DMD: variants seen among roughly 807,000 people sequenced by gnomAD.
The protein encoded by DMD is dystrophin.
Under a neutral mutation model 330.1 loss-of-function variants are expected in DMD, and 63 were observed. That is an observed-to-expected ratio of 0.19 (90% CI 0.16 to 0.24). DMD has a LOEUF of 0.24. DMD is among the 10% of genes least tolerant of loss of function. The pLI is 1.00. For synonymous variants in DMD, 1,223 were observed against 959.8 expected, an observed-to-expected ratio of 1.27 and a Z score of -5.07; for missense variants, 3,344 against 2,684.1, an observed-to-expected ratio of 1.25 and a Z score of -5.43.
rs965423928 is a variant in DMD, at chrX:32,335,383, A to C, written c.5922+6717T>G. ...GCCTGGCTAATTTTATATATAAAAC[A>C]TATATAATACATATATATAACATAT... On this transcript the variant is annotated intron_variant, in intron 41 of 78. Coordinates refer to ENST00000357033, the MANE Select transcript of DMD (RefSeq NM_004006.3). 5.7e-5 allele frequency among the ~76,000 whole-genome samples: 6 copies of C among 105,356 alleles called. No homozygotes were observed. In the East Asian group the frequency reaches 1.8e-3, roughly 31 times the overall value. The allele number at this position is 105,356 out of a possible 115,157, so 91.5% of individuals were successfully genotyped here. A position where few individuals can be genotyped will look rare whatever the true frequency, so the allele number is the denominator to read the frequency against.
intron 2 of DMD, among the ~76,000 whole-genome samples, chrX:32,894,914 C>T (rs2085565138): frequency 2.7e-5 from 3 of 112,143 alleles, no homozygotes; most frequent in African/African-American, 9.7e-5. Flanking sequence ...AACAAGATAC[C>T]ATAGACTGGG....
intron 62 of DMD, among the ~76,000 whole-genome samples, chrX:31,291,241 G>GT (rs370709116): frequency 1.5e-3 from 154 of 103,147 alleles, no homozygotes; most frequent in Admixed American, 1.8e-3. Context: ...AGCCCACACA[G>GT]TTTTTTTTTT....
At chrX:33,004,457 A>G (rs2093352413) in intron 2 of DMD, among the ~76,000 whole-genome samples, 1 of 111,578 alleles carries the variant, frequency 9.0e-6, no homozygotes, top group African/African-American at 3.2e-5. Context: ...TTCCCAGCTG[A>G]TAGAAATATA....
chrX:32,910,438 T>C (rs1333341649), intron 2 of DMD, among the ~76,000 whole-genome samples: 2 of 111,349 alleles, frequency 1.8e-5, no homozygotes, highest in Non-Finnish European at 3.8e-5. Flanking sequence ...CTTTTTCTTT[T>C]ATTTTTTTTA....
At chrX:31,167,421 T>C (rs983368279) in intron 74 of DMD, among the ~76,000 whole-genome samples, 12 of 111,978 alleles carry the variant, frequency 1.1e-4, no homozygotes, top group African/African-American at 3.2e-4. Flanking sequence ...CCGGGTGCAA[T>C]GGTACGGAGA....
intron 11 of DMD, 54 bp downstream of exon 11, chrX:32,644,078 C>G: frequency 9.6e-7 from 1 of 1,043,507 alleles, no homozygotes; most frequent in East Asian, 3.0e-5. Flanking sequence ...TCAAAATAAT[C>G]ACAAGCTTCC....
intron 2 of DMD, among the ~76,000 whole-genome samples, chrX:33,007,349 C>T (rs1232265613): frequency 9.0e-6 from 1 of 110,994 alleles, no homozygotes; most frequent in Non-Finnish European, 1.9e-5. Context: ...CATATTCTTC[C>T]CTCTGCCTAG....
At chrX:33,029,043 G>A (rs192819610) in intron 1 of DMD, among the ~76,000 whole-genome samples, 6 of 111,467 alleles carry the variant, frequency 5.4e-5, no homozygotes, top group Non-Finnish European at 1.1e-4. Flanking sequence ...CTTAGTAAGG[G>A]TTTGTTGAAT....
At chrX:31,750,450 G>C (rs6628637) in intron 51 of DMD, among the ~76,000 whole-genome samples, 1 of 110,028 alleles carries the variant, frequency 9.1e-6, no homozygotes, top group Non-Finnish European at 1.9e-5. Flanking sequence ...AGATCAGATA[G>C]TGGTAGATAT....
chrX:31,383,769 C>CA (rs2060302222), intron 60 of DMD, among the ~76,000 whole-genome samples: 1 of 112,048 alleles, frequency 8.9e-6, no homozygotes, highest in African/African-American at 3.2e-5. Flanking sequence ...GACAGCCTGG[C>CA]AGCATAGCTT....
intron 60 of DMD, among the ~76,000 whole-genome samples, chrX:31,406,827 G>T (rs2061419001): frequency 9.0e-6 from 1 of 111,466 alleles, no homozygotes; most frequent in South Asian, 3.8e-4. Context: ...TTGGCATGTA[G>T]TTTGTAAAAG....
intron 42 of DMD, among the ~76,000 whole-genome samples, chrX:32,298,198 T>C (rs975380934): frequency 2.0e-4 from 22 of 110,083 alleles, no homozygotes; most frequent in Admixed American, 1.9e-3. Context: ...GAGAAGGCAA[T>C]GAGGGGGAAA....
At chrX:33,216,734 CT>C (rs962738915) in intron 1 of DMD, among the ~76,000 whole-genome samples, 4 of 111,150 alleles carry the variant, frequency 3.6e-5, no homozygotes, top group African/African-American at 1.3e-4. Context: ...TTTTAAATTA[CT>C]TTTTTTTGTC....
At chrX:32,514,512 C>T (rs993396643) in intron 18 of DMD, among the ~76,000 whole-genome samples, 4 of 111,678 alleles carry the variant, frequency 3.6e-5, no homozygotes, top group East Asian at 2.8e-4. Flanking sequence ...GAGGCCGAGG[C>T]GGGCGGATCA....
At chrX:32,188,457 CG>C (rs766371285) in intron 44 of DMD, among the ~76,000 whole-genome samples, 8 of 101,228 alleles carry the variant, frequency 7.9e-5, no homozygotes, top group East Asian at 3.1e-4. Flanking sequence ...TCTAGTAGGG[CG>C]TTTTTTTGGT....
At chrX:32,333,428 C>T (rs1215783635) in intron 41 of DMD, among the ~76,000 whole-genome samples, 1 of 111,373 alleles carries the variant, frequency 9.0e-6, no homozygotes, top group Non-Finnish European at 1.9e-5. Flanking sequence ...CTACCGTCTT[C>T]TGGCTTCTAT....
At chrX:32,981,686 C>T (rs2092710829) in intron 2 of DMD, among the ~76,000 whole-genome samples, 1 of 110,776 alleles carries the variant, frequency 9.0e-6, no homozygotes, top group Admixed American at 9.6e-5. Flanking sequence ...TTTTGAAATA[C>T]CATACTATTT....
intron 44 of DMD, among the ~76,000 whole-genome samples, chrX:32,191,162 TTTTTG>T (rs762189073): frequency 8.9e-6 from 1 of 111,786 alleles, no homozygotes; most frequent in East Asian, 2.8e-4. Flanking sequence ...TTTAGATGGC[TTTTTG>T]TTGAGTCAAA....
intron 1 of DMD, among the ~76,000 whole-genome samples, chrX:33,193,936 T>C (rs1370718615): frequency 2.7e-5 from 3 of 110,737 alleles, no homozygotes; most frequent in African/African-American, 9.9e-5. Flanking sequence ...TTCAAAACTC[T>C]ATGAGAATAT....
Sources: allele counts gnomAD v4.1 joint callset (sites outside exome capture counted in the v4.1 genomes callset), GRCh38; gene constraint gnomAD v4.1.1; transcripts MANE v1.5; gene names NCBI Gene and HGNC (gene_info 2026-07-23, HGNC 2026-07-21).